The following MSH3 variants were observed in gnomAD, a reference collection of about 807,000 sequenced individuals.
MSH3 encodes DNA mismatch repair protein Msh3.
MSH3 carries 106 observed loss-of-function variants against 123.3 expected under a neutral mutation model. The ratio of observed to expected loss-of-function variants is 0.86; its 90% confidence interval spans 0.73 to 1.01. The LOEUF (loss-of-function observed/expected upper bound fraction) is 1.01, where lower values mean the gene tolerates loss of function less well. MSH3 is among the 50% of genes least tolerant of loss of function. The pLI, the probability that MSH3 is intolerant of heterozygous loss-of-function variation, is 0.00. For synonymous variants in MSH3, 515 were observed against 481.4 expected, an observed-to-expected ratio of 1.07 and a Z score of -0.91; for missense variants, 1,459 against 1,347.6, an observed-to-expected ratio of 1.08 and a Z score of -1.29.
At chr5:80,790,971 G>C (rs1440067503) in intron 18 of MSH3, among the ~76,000 whole-genome samples, 4 of 152,132 alleles carry the variant, frequency 2.6e-5, no homozygotes, top group Non-Finnish European at 5.9e-5. Flanking sequence ...GTTGGTATGT[G>C]AATAATATAT....
intron 20 of MSH3, among the ~76,000 whole-genome samples, chr5:80,837,054 C>CTGT (rs1450621769): frequency 6.6e-6 from 1 of 152,122 alleles, no homozygotes; most frequent in Non-Finnish European, 1.5e-5. Flanking sequence ...AGGATCAGAC[C>CTGT]ACACAGAGGG....
chr5:80,826,703 C>T (rs903501772), intron 20 of MSH3, among the ~76,000 whole-genome samples: 3 of 152,202 alleles, frequency 2.0e-5, no homozygotes, highest in African/African-American at 7.2e-5. Flanking sequence ...CATGTGCCAC[C>T]ACGCCCAGCT....
intron 8 of MSH3, among the ~76,000 whole-genome samples, chr5:80,716,795 C>T (rs1260896319): frequency 6.6e-6 from 1 of 152,148 alleles, no homozygotes; most frequent in African/African-American, 2.4e-5. Context: ...TAGTCCTACC[C>T]TACTGTGCTA....
At chr5:80,704,120 CCGGGGTCTATCAGCA>C (rs891624637) in intron 8 of MSH3, among the ~76,000 whole-genome samples, 1 of 152,122 alleles carries the variant, frequency 6.6e-6, no homozygotes, top group African/African-American at 2.4e-5. Flanking sequence ...ATTTTCTGTT[CCGGGGTCTATCAGCA>C]CTGGGTCTAT....
intron 8 of MSH3, among the ~76,000 whole-genome samples, chr5:80,699,709 T>G (rs1028402531): frequency 2.6e-5 from 4 of 152,234 alleles, no homozygotes; most frequent in Non-Finnish European, 5.9e-5. Context: ...CATATTGATT[T>G]CTTATCGTTT....
chr5:80,683,752 A>G (rs1209109484), intron 8 of MSH3, among the ~76,000 whole-genome samples: 1 of 151,946 alleles, frequency 6.6e-6, no homozygotes, highest in African/African-American at 2.4e-5. Context: ...CTATTAAGAA[A>G]TCTTTGCCCA....
At chr5:80,776,296 T>C (rs2112890643) in intron 16 of MSH3, among the ~76,000 whole-genome samples, 1 of 152,368 alleles carries the variant, frequency 6.6e-6, no homozygotes, top group East Asian at 1.9e-4. Flanking sequence ...TTTATTTTCT[T>C]GTTTTGTAAA....
chr5:80,779,236 G>T (rs567235320), intron 17 of MSH3, among the ~76,000 whole-genome samples: 1 of 151,790 alleles, frequency 6.6e-6, no homozygotes, highest in African/African-American at 2.4e-5. Context: ...CAAGTGATCC[G>T]CCTGCCTCAG....
In MSH3 at chr5:80,657,373, G is replaced by A. The variant is rs6151602; in HGVS notation, c.358+842G>A. On this transcript the variant is annotated intron_variant, in intron 2 of 23. Coordinates refer to ENST00000265081, the MANE Select transcript of MSH3 (RefSeq NM_002439.5). ...GGAGAATCACTTGAGCCCAGGAGGCGGAGGTTGCAGTGAGCCAAGATTGTG... is the reference window on the plus strand; with the variant it reads ...GGAGAATCACTTGAGCCCAGGAGGCAGAGGTTGCAGTGAGCCAAGATTGTG... 6.8e-3 allele frequency among the ~76,000 whole-genome samples: 1,028 copies of A among 152,160 alleles called. 11 individuals carry two copies. The highest frequency in any genetic ancestry group is 0.024 in the African/African-American group (987 of 41,516).
chr5:80,672,021 G>A (rs1749735710), intron 4 of MSH3, among the ~76,000 whole-genome samples: 1 of 152,144 alleles, frequency 6.6e-6, no homozygotes, highest in Non-Finnish European at 1.5e-5. Flanking sequence ...AGATACAGAT[G>A]TTGATACTGA....
intron 1 of MSH3, among the ~76,000 whole-genome samples, chr5:80,655,780 C>T (rs1051133861): frequency 2.0e-5 from 3 of 152,144 alleles, no homozygotes; most frequent in African/African-American, 7.2e-5. Context: ...ATATATTTCT[C>T]CCTTAAAATG....
intron 20 of MSH3, among the ~76,000 whole-genome samples, chr5:80,816,824 C>G (rs779582771): frequency 6.6e-6 from 1 of 152,126 alleles, no homozygotes; most frequent in Admixed American, 6.5e-5. Flanking sequence ...GTTTGTGCAT[C>G]TGAATGGTGA....
intron 12 of MSH3, among the ~76,000 whole-genome samples, chr5:80,754,430 G>A (rs1006425133): frequency 3.3e-5 from 5 of 152,070 alleles, no homozygotes; most frequent in African/African-American, 1.2e-4. Flanking sequence ...TGACAAGGTG[G>A]CGTTCCCAGC....
intron 2 of MSH3, among the ~76,000 whole-genome samples, chr5:80,664,514 A>G (rs1434802800): frequency 1.3e-5 from 2 of 152,122 alleles, no homozygotes; most frequent in African/African-American, 4.8e-5. Context: ...ACAGTACTCC[A>G]TCAACTGTGC....
intron 18 of MSH3, among the ~76,000 whole-genome samples, chr5:80,789,195 G>T (rs4704683): frequency 0.11 from 17,144 of 152,014 alleles, 1,370 homozygotes; most frequent in East Asian, 0.32. Flanking sequence ...TAAAATTAAT[G>T]TCACAAATAC....
intron 19 of MSH3, among the ~76,000 whole-genome samples, chr5:80,802,839 G>A (rs1744816177): frequency 1.3e-5 from 2 of 152,046 alleles, no homozygotes; most frequent in Non-Finnish European, 2.9e-5. Flanking sequence ...TCACTTTGTG[G>A]CTGGCTTATT....
chr5:80,762,033 C>G (rs1744044581), intron 13 of MSH3, among the ~76,000 whole-genome samples: 2 of 151,508 alleles, frequency 1.3e-5, no homozygotes, highest in Non-Finnish European at 2.9e-5. Context: ...TTCTTTTGAT[C>G]TTAGAACAAC....
Position 80,761,698 on chromosome 5 carries a change from A to G in MSH3, c.1896+20A>G, listed in dbSNP as rs745554144. On this transcript the variant is annotated intron_variant, in intron 13 of 23. Coordinates refer to ENST00000265081, the MANE Select transcript of MSH3 (RefSeq NM_002439.5). The stretch of plus-strand genomic sequence containing the variant: ...AAAAAAGTAAGTGTGATAGAAATCT[A>G]TTAAAGCTGACAGTGTTCTTCAGCT... 13 of 1,613,844 alleles carry G rather than the reference A, an allele frequency of 8.1e-6. No homozygotes were observed. In the South Asian group the frequency reaches 1.1e-4, roughly 14 times the overall value.
chr5:80,838,026 T>TTC (rs1745549289), intron 20 of MSH3, among the ~76,000 whole-genome samples: 1 of 152,196 alleles, frequency 6.6e-6, no homozygotes, highest in East Asian at 1.9e-4. Flanking sequence ...GACAGTGAAC[T>TTC]TCTTCAAAGC....
Sources: allele counts gnomAD v4.1 joint callset (sites outside exome capture counted in the v4.1 genomes callset), GRCh38; gene constraint gnomAD v4.1.1; transcripts MANE v1.5; gene names NCBI Gene and HGNC (gene_info 2026-07-23, HGNC 2026-07-21).